Variants in EHMT1 observed in about 807,000 individuals in gnomAD.
EHMT1 encodes the protein histone-lysine N-methyltransferase EHMT1.
Under a neutral mutation model 147.2 loss-of-function variants are expected in EHMT1, and 15 were observed. That is an observed-to-expected ratio of 0.10 (90% CI 0.07 to 0.16). EHMT1 has a LOEUF of 0.16. EHMT1 is among the 10% of genes least tolerant of loss of function. EHMT1 has a pLI of 1.00. For missense variants in EHMT1, 1,587 were observed against 1,772.4 expected, an observed-to-expected ratio of 0.90 and a Z score of 1.88; for synonymous variants, 795 against 709.6, an observed-to-expected ratio of 1.12 and a Z score of -1.91.
chr9:137,833,426 G>A (rs982252417), intron 25 of EHMT1, among the ~76,000 whole-genome samples: 2 of 152,270 alleles, frequency 1.3e-5, no homozygotes, highest in African/African-American at 4.8e-5. Flanking sequence ...CACAGGCAGG[G>A]TGCTGCTGAG....
intron 9 of EHMT1, among the ~76,000 whole-genome samples, chr9:137,761,103 G>T (rs959514193): frequency 3.9e-5 from 6 of 152,234 alleles, no homozygotes; most frequent in Non-Finnish European, 7.3e-5. Flanking sequence ...CCAGAAGCAC[G>T]TTGGGAGCTG....
chr9:137,814,311 G>A (rs1954752301), intron 21 of EHMT1, 120 bp from the exon 22 acceptor site: 1 of 1,053,176 alleles, frequency 9.5e-7, no homozygotes, highest in African/African-American at 1.6e-5. Flanking sequence ...CTCACGTGGT[G>A]CCTTTGAGAA....
intron 1 of EHMT1, among the ~76,000 whole-genome samples, chr9:137,691,191 C>T (rs538967465): frequency 1.3e-5 from 2 of 152,072 alleles, no homozygotes; most frequent in South Asian, 4.1e-4. Context: ...GTGGACCATA[C>T]AGTATTTATC....
chr9:137,651,969 T>C lies in EHMT1; in HGVS notation c.21+32920T>C, dbSNP rs111324956. On this transcript the variant is annotated intron_variant, in intron 1 of 26. Transcript: ENST00000460843. ...TGCAGTACCTAATGCTTGATAATGA[T>C]AATAAACTCCTATGTTACTGGTGTA... Among the ~76,000 whole-genome samples the C allele has an allele frequency of 5.4e-3, 827 of 152,294 alleles. 9 individuals carry two copies. Among genetic ancestry groups the C allele is most frequent in the African/African-American group, 0.018 (740 of 41,550 alleles).
intron 2 of EHMT1, 105 bp downstream of exon 2, chr9:137,711,135 TTC>T (rs1944675778): frequency 8.2e-7 from 1 of 1,213,634 alleles, no homozygotes; most frequent in Non-Finnish European, 1.1e-6. Context: ...CTTTCTTTGC[TTC>T]ACCTAGGTTT....
At chr9:137,814,648 C>A in intron 22 of EHMT1, 140 bp downstream of exon 22, 1 of 952,834 alleles carries the variant, frequency 1.0e-6, no homozygotes, top group Non-Finnish European at 1.6e-6. Flanking sequence ...GTGTGACAGG[C>A]AGGGGAGGCA....
chr9:137,624,792 C>G (rs1048331556), intron 1 of EHMT1, among the ~76,000 whole-genome samples: 2 of 151,422 alleles, frequency 1.3e-5, no homozygotes, highest in African/African-American at 4.9e-5. Flanking sequence ...GAGACAGGGC[C>G]TTGCCATGTT....
intron 1 of EHMT1, among the ~76,000 whole-genome samples, chr9:137,686,017 G>A (rs1942394506): frequency 6.6e-6 from 1 of 152,172 alleles, no homozygotes; most frequent in Admixed American, 6.5e-5. Context: ...GACTCAGGTG[G>A]CACTCCCAGT....
chr9:137,802,671 C>T (rs1953594995), intron 18 of EHMT1: 1 of 503,428 alleles, frequency 2.0e-6, no homozygotes, highest in Admixed American at 4.4e-5. Context: ...AAGCAGACCC[C>T]ACCTCCCACC....
intron 9 of EHMT1, among the ~76,000 whole-genome samples, chr9:137,758,619 A>G (rs1274347171): frequency 2.0e-5 from 3 of 152,210 alleles, no homozygotes; most frequent in African/African-American, 4.8e-5. Context: ...TTATTTGGGA[A>G]GATTTATTCG....
At chr9:137,708,821 T>TATGTTCAGGTCTGAGTGGC (rs1445579304) in intron 1 of EHMT1, among the ~76,000 whole-genome samples, 1 of 152,134 alleles carries the variant, frequency 6.6e-6, no homozygotes, top group East Asian at 1.9e-4. Context: ...GCCTGAGTGG[T>TATGTTCAGGTCTGAGTGGC]ATGTTCAGGT....
intron 1 of EHMT1, among the ~76,000 whole-genome samples, chr9:137,635,429 C>A (rs1033095441): frequency 7.1e-4 from 107 of 151,234 alleles, no homozygotes; most frequent in African/African-American, 2.3e-3. Flanking sequence ...GTTGGACAGG[C>A]TGGTCTTGAA....
intron 1 of EHMT1, among the ~76,000 whole-genome samples, chr9:137,639,991 A>G (rs1261658436): frequency 6.6e-6 from 1 of 151,904 alleles, no homozygotes; most frequent in African/African-American, 2.4e-5. Flanking sequence ...CTGGAGTGCA[A>G]TGGCGCGATC....
intron 14 of EHMT1, 116 bp downstream of exon 14, chr9:137,779,833 T>C: frequency 1.7e-6 from 2 of 1,160,050 alleles, no homozygotes; most frequent in East Asian, 2.6e-5. Flanking sequence ...TTTCTGTTTC[T>C]GTGTCTCCGA....
chr9:137,645,025 A>G (rs1404148877), intron 1 of EHMT1, among the ~76,000 whole-genome samples: 1 of 152,030 alleles, frequency 6.6e-6, no homozygotes, highest in Non-Finnish European at 1.5e-5. Context: ...GGTGTGTGTC[A>G]CCACGCCCGG....
At chr9:137,747,262 A>G (rs894720281) in intron 6 of EHMT1, 6 of 152,104 alleles carry the variant, frequency 3.9e-5, no homozygotes, top group African/African-American at 1.2e-4. Context: ...GGTTCAAGCA[A>G]TTCTCCTGCC....
At chr9:137,812,862 T>C in intron 19 of EHMT1, 144 bp from the exon 20 acceptor site, 1 of 1,147,188 alleles carries the variant, frequency 8.7e-7, no homozygotes, top group Non-Finnish European at 1.3e-6. Flanking sequence ...TGCAGAGTCA[T>C]TGCTGAGCAG....
Position 137,787,949 on chromosome 9 carries a change from C to T in EHMT1, c.2383-2899C>T, listed in dbSNP as rs1952126509. Reference sequence around the variant, plus strand: ...TGGGCAGCTGCCCCCAGAGGGAGGCCCTGTGTCCCCCACTGGACAGCCCCC... The same window carrying T: ...TGGGCAGCTGCCCCCAGAGGGAGGCTCTGTGTCCCCCACTGGACAGCCCCC... On this transcript the variant is annotated intron_variant, in intron 15 of 26. Transcript: ENST00000460843. This position sits in a 1 kb window ranked among gnomAD's most constrained non-coding sequence, Gnocchi z 4.2. 2.9e-5 allele frequency: 44 copies of T among 1,504,826 alleles called. 1 individual carries two copies. In the South Asian group the frequency reaches 4.7e-4, roughly 16 times the overall value. The allele number at this position is 1,504,826 out of a possible 1,614,324, so 93.2% of individuals were successfully genotyped here. A position where few individuals can be genotyped will look rare whatever the true frequency, so the allele number is the denominator to read the frequency against.
At chr9:137,651,787 C>T (rs762836312) in intron 1 of EHMT1, among the ~76,000 whole-genome samples, 3 of 151,738 alleles carry the variant, frequency 2.0e-5, no homozygotes, top group African/African-American at 4.8e-5. Flanking sequence ...AGCGAGACGC[C>T]GTCTCAAGAA....
Sources: allele counts gnomAD v4.1 joint callset (sites outside exome capture counted in the v4.1 genomes callset), GRCh38; gene constraint gnomAD v4.1.1; non-coding constraint Gnocchi (gnomAD v3.1); transcripts MANE v1.5; gene names NCBI Gene and HGNC (gene_info 2026-07-23, HGNC 2026-07-21).